The following ANKRD11 variants were observed in gnomAD, a reference collection of about 807,000 sequenced individuals.
The protein encoded by ANKRD11 is ankyrin repeat domain 11.
A neutral mutation model predicts 195.7 loss-of-function variants in ANKRD11; 17 were observed. The observed-to-expected ratio is 0.09, with a 90% CI of 0.06 to 0.13. The LOEUF (loss-of-function observed/expected upper bound fraction) is 0.13, where lower values mean the gene tolerates loss of function less well. Ranked by LOEUF, ANKRD11 falls within the 10% of genes least tolerant of loss-of-function variation. ANKRD11 has a pLI of 1.00. For missense variants in ANKRD11, 3,735 were observed against 3,566.1 expected, an observed-to-expected ratio of 1.05 and a Z score of -1.21; for synonymous variants, 1,953 against 1,528.1, an observed-to-expected ratio of 1.28 and a Z score of -6.49.
chr16:89,323,803 C>T, intron 2 of ANKRD11: 1 of 244,842 alleles, frequency 4.1e-6, no homozygotes, highest in South Asian at 4.6e-5. Context: ...TCCTCAGGGC[C>T]ACACCAACTG....
rs149349105 is a variant in ANKRD11, at chr16:89,295,774, G to A, written c.227-4591C>T. 1.5e-3 allele frequency among the ~76,000 whole-genome samples: 218 copies of A among 143,020 alleles called. 1 individual carries two copies. Among genetic ancestry groups the A allele is most frequent in the African/African-American group, 5.5e-3 (209 of 38,344 alleles). The allele number at this position is 143,020 out of a possible 152,430, so 93.8% of individuals were successfully genotyped here. ...GCCTGGGGGTGCCCTGTGCTGGTGG[G>A]ATCGGAGCGGGGGCTGTGACCTTCC... On this transcript the variant is annotated intron_variant, in intron 4 of 12. Coordinates refer to ENST00000301030, the MANE Select transcript of ANKRD11 (RefSeq NM_013275.6).
chr16:89,388,322 G>T (rs2041019823), intron 2 of ANKRD11, among the ~76,000 whole-genome samples: 1 of 40,478 alleles, frequency 2.5e-5, no homozygotes, highest in African/African-American at 6.3e-5. Context: ...TTTTGAGACG[G>T]AGTCTTGCTC....
intron 3 of ANKRD11, among the ~76,000 whole-genome samples, chr16:89,314,308 A>G (rs1193367979): frequency 6.6e-6 from 1 of 152,170 alleles, no homozygotes; most frequent in Non-Finnish European, 1.5e-5. Flanking sequence ...CTGAACCCAT[A>G]ACACAGCTAC....
intron 2 of ANKRD11, among the ~76,000 whole-genome samples, chr16:89,410,129 G>A (rs1212823384): frequency 5.3e-5 from 8 of 152,144 alleles, no homozygotes; most frequent in Admixed American, 1.3e-4. Flanking sequence ...GTGAGCCACC[G>A]CGTCCAGCCT....
intron 1 of ANKRD11, among the ~76,000 whole-genome samples, chr16:89,434,579 A>T (rs984635518): frequency 1.3e-5 from 2 of 152,350 alleles, no homozygotes; most frequent in East Asian, 3.9e-4. Context: ...GTCAGCAGCT[A>T]ATCAGCAGAA....
chr16:89,489,713 G>C (rs1396261825), intron 1 of ANKRD11, among the ~76,000 whole-genome samples: 1 of 150,348 alleles, frequency 6.7e-6, no homozygotes, highest in Non-Finnish European at 1.5e-5. Flanking sequence ...GCAGCCTCAG[G>C]TCCCCAAGAC....
chr16:89,474,664 G>C (rs1450197967), intron 1 of ANKRD11, among the ~76,000 whole-genome samples: 1 of 151,798 alleles, frequency 6.6e-6, no homozygotes. Flanking sequence ...CTGAGACCAA[G>C]GCAGCCTCCC....
intron 1 of ANKRD11, among the ~76,000 whole-genome samples, chr16:89,458,348 C>T (rs1424347010): frequency 6.6e-6 from 1 of 152,066 alleles, no homozygotes; most frequent in Non-Finnish European, 1.5e-5. Flanking sequence ...CCTCAGCCTC[C>T]TGAGTAGCTG....
chr16:89,359,151 C>T (rs1597780360), intron 2 of ANKRD11, among the ~76,000 whole-genome samples: 1 of 151,832 alleles, frequency 6.6e-6, no homozygotes, highest in African/African-American at 2.4e-5. Flanking sequence ...AAGACTGATT[C>T]TGGAAGAAAA....
At chr16:89,286,273 A>G in intron 7 of ANKRD11, 87 bp from the exon 8 acceptor site, 1 of 1,573,358 alleles carries the variant, frequency 6.4e-7, no homozygotes, top group Non-Finnish European at 8.6e-7. Flanking sequence ...CCCTTCCGAG[A>G]ACCCTGGGGT....
chr16:89,463,272 G>A (rs1049713304), intron 1 of ANKRD11, among the ~76,000 whole-genome samples: 5 of 152,230 alleles, frequency 3.3e-5, no homozygotes, highest in African/African-American at 1.2e-4. Flanking sequence ...TCGGATGGTT[G>A]CCGTGTCTGT....
intron 1 of ANKRD11, among the ~76,000 whole-genome samples, chr16:89,481,825 TC>T: frequency 6.6e-6 from 1 of 152,234 alleles, no homozygotes; most frequent in East Asian, 1.9e-4. Flanking sequence ...CCAGCCTTTG[TC>T]CCCAGCCTTC....
intron 2 of ANKRD11, chr16:89,370,704 A>T (rs981525408): frequency 6.6e-6 from 1 of 152,336 alleles, no homozygotes; most frequent in Non-Finnish European, 1.5e-5. Flanking sequence ...GCAGGACCCG[A>T]GAGCAGAAGG....
intron 1 of ANKRD11, among the ~76,000 whole-genome samples, chr16:89,435,329 A>C (rs555300331): frequency 5.9e-5 from 9 of 152,320 alleles, no homozygotes; most frequent in Admixed American, 3.9e-4. Context: ...GGCAGGGCCG[A>C]ATAAGGGAAT....
At chr16:89,424,067 C>T (rs1408455926) in intron 1 of ANKRD11, among the ~76,000 whole-genome samples, 1 of 152,020 alleles carries the variant, frequency 6.6e-6, no homozygotes, top group Non-Finnish European at 1.5e-5. Context: ...GGGGGAGGGA[C>T]TTGCATTAGA....
intron 2 of ANKRD11, among the ~76,000 whole-genome samples, chr16:89,370,361 G>A (rs187307485): frequency 3.5e-4 from 53 of 152,228 alleles, no homozygotes; most frequent in Middle Eastern, 6.8e-3. Context: ...GGAGACAGGC[G>A]TGCCCGGTAC....
rs147313362 is a variant in ANKRD11, at chr16:89,356,899, G to C, written c.-59-39821C>G. Among the ~76,000 whole-genome samples, 1,401 of 152,322 alleles carry C rather than the reference G, an allele frequency of 9.2e-3. 16 individuals are homozygous for C. The highest frequency in any genetic ancestry group is 0.042 in the South Asian group (201 of 4,830). Reference sequence around the variant, plus strand: ...CCTGAGGCTTCTCCCAGGCCCTGTGGCTGTAATCTCCCGGAGTCCCAGGCA... The same window carrying C: ...CCTGAGGCTTCTCCCAGGCCCTGTGCCTGTAATCTCCCGGAGTCCCAGGCA... On this transcript the variant is annotated intron_variant, in intron 2 of 12. Transcript: ENST00000301030.
chr16:89,329,965 G>C (rs2037957665), intron 2 of ANKRD11, among the ~76,000 whole-genome samples: 2 of 148,742 alleles, frequency 1.3e-5, no homozygotes, highest in African/African-American at 5.1e-5. Context: ...ACTCCAGCCT[G>C]GGCGACAGAC....
At chr16:89,472,046 A>G (rs138542051) in intron 1 of ANKRD11, among the ~76,000 whole-genome samples, 57 of 152,204 alleles carry the variant, frequency 3.7e-4, no homozygotes, top group Admixed American at 1.0e-3. Context: ...CCCTCAGGTG[A>G]CTACTTTTAA....
Sources: allele counts gnomAD v4.1 joint callset (sites outside exome capture counted in the v4.1 genomes callset), GRCh38; gene constraint gnomAD v4.1.1; transcripts MANE v1.5; gene names NCBI Gene and HGNC (gene_info 2026-07-23, HGNC 2026-07-21).